ABCC3: variants seen among roughly 807,000 people sequenced by gnomAD.
ABCC3 encodes ATP binding cassette subfamily C member 3, also known as ATP-binding cassette sub-family C member 3.
A neutral mutation model predicts 165.3 loss-of-function variants in ABCC3; 121 were observed. The observed-to-expected ratio is 0.73, with a 90% CI of 0.63 to 0.85. ABCC3 has a LOEUF of 0.85. Among genes scored for constraint, ABCC3 ranks in the 40% least tolerant of loss-of-function variants. The probability of loss-of-function intolerance (pLI) is 0.00; values close to 1 mark genes in which losing one functional copy is unlikely to be tolerated. For synonymous variants in ABCC3, 733 were observed against 810.1 expected (o/e 0.90, Z 1.62); for missense variants, 1,869 against 1,964.1 (o/e 0.95, Z 0.92).
intron 1 of ABCC3, among the ~76,000 whole-genome samples, chr17:50,637,065 A>T (rs2054187521): frequency 6.6e-6 from 1 of 152,028 alleles, no homozygotes; most frequent in Non-Finnish European, 1.5e-5. Flanking sequence ...AGCTATACAC[A>T]CCTCCTCTGA....
chr17:50,651,504 C>T (rs139075992), intron 1 of ABCC3, among the ~76,000 whole-genome samples: 2 of 152,300 alleles, frequency 1.3e-5, no homozygotes, highest in Non-Finnish European at 2.9e-5. Context: ...AGGTGGAACA[C>T]TTGACCTCAG....
At chr17:50,663,440 C>T (rs1967440006) in intron 8 of ABCC3, 1 of 546,086 alleles carries the variant, frequency 1.8e-6, no homozygotes, top group Non-Finnish European at 3.3e-6. Flanking sequence ...AGAGCGTCAT[C>T]GATAGGGCGT....
intron 11 of ABCC3, among the ~76,000 whole-genome samples, chr17:50,665,728 C>T (rs1195191102): frequency 6.6e-6 from 1 of 151,720 alleles, no homozygotes; most frequent in East Asian, 1.9e-4. Context: ...GCCTCAGCCT[C>T]CCTAGTAGCT....
chr17:50,668,487 C>G lies in ABCC3; in HGVS notation c.1840C>G (p.Gln614Glu). The G allele has an allele frequency of 6.2e-7, 1 of 1,614,026 alleles. No homozygotes were observed. The highest frequency in any genetic ancestry group is 8.5e-7 in the Non-Finnish European group (1 of 1,179,950). Residue 614 changes from glutamine to glutamate, a missense_variant, in exon 14 of 31, where the codon CAG becomes GAG. Transcript: ENST00000285238. Reference sequence around the variant, plus strand: ...CCTGAGCCAAGAGGAACTTGACCCCCAGAGTGTGGAAAGAAAGACCATCTC... The same window carrying G: ...CCTGAGCCAAGAGGAACTTGACCCCGAGAGTGTGGAAAGAAAGACCATCTC... The part of the protein sequence containing the change: ...QFLSQEELDP[Q>E]SVERKTISPG...
At chr17:50,669,312 G>C in intron 16 of ABCC3, 40 bp from the exon 17 acceptor site, 2 of 1,614,192 alleles carry the variant, frequency 1.2e-6, no homozygotes, top group African/African-American at 1.3e-5. Context: ...GCTCAGCCAG[G>C]CCTTGGGCAA....
rs1967678323 is a variant in ABCC3 at position 50,672,916 on chromosome 17, G to A, written c.2242-55G>A. 4.0e-6 allele frequency: 6 copies of A among 1,518,740 alleles called. No individual in the cohort carries two copies. In the Admixed American group the frequency reaches 5.4e-5, roughly 14 times the overall value. 94.1% of individuals were successfully genotyped at this position (1,518,740 alleles called of 1,614,324 possible). Reference sequence around the variant, plus strand: ...CATCCCAAATAACAGTGGACAGGCCGTTGTCTCCCTGTGCCTGTCTGACCC... The same window carrying A: ...CATCCCAAATAACAGTGGACAGGCCATTGTCTCCCTGTGCCTGTCTGACCC... On this transcript the variant is annotated intron_variant, in intron 17 of 30. Transcript: ENST00000285238.
chr17:50,690,633 A>AGCAGCC (rs1968107659), intron 30 of ABCC3, among the ~76,000 whole-genome samples: 1 of 151,948 alleles, frequency 6.6e-6, no homozygotes, highest in Non-Finnish European at 1.5e-5. Context: ...CAGCAGCAGC[A>AGCAGCC]GCAGCCGCAG....
chr17:50,684,879 A>G lies in ABCC3; in HGVS notation c.4280+4A>G. The G allele has an allele frequency of 1.9e-6, 3 of 1,613,746 alleles. No individual in the cohort carries two copies. The highest frequency in any genetic ancestry group is 2.5e-6 in the Non-Finnish European group (3 of 1,179,902). On this transcript the variant is annotated splice_donor_region_variant and intron_variant, in intron 29 of 30. Coordinates refer to ENST00000285238, the MANE Select transcript of ABCC3 (RefSeq NM_003786.4). The stretch of plus-strand genomic sequence containing the variant: ...CAGAGGGCGGGGAGAATCTCAGGTA[A>G]ACACTGGGAGTGCAGAGGTCAGGAA...
intron 19 of ABCC3, among the ~76,000 whole-genome samples, chr17:50,674,013 TCTCTCTCTCTCTCTCTCTCTC>T (rs1967739106): frequency 3.7e-5 from 1 of 26,872 alleles, no homozygotes. Flanking sequence ...TCTCTCTCTC[TCTCTCTCTCTCTCTCTCTCTC>T]TCTTTCTTTC....
intron 19 of ABCC3, among the ~76,000 whole-genome samples, chr17:50,675,030 C>G (rs2146631780): frequency 6.6e-6 from 1 of 152,150 alleles, no homozygotes; most frequent in Non-Finnish European, 1.5e-5. Context: ...GATCTCCTGA[C>G]CTCGTGAGCT....
intron 25 of ABCC3, chr17:50,679,424 G>A (rs1230728430): frequency 5.9e-6 from 1 of 169,390 alleles, no homozygotes; most frequent in Non-Finnish European, 1.3e-5. Flanking sequence ...TGGCCCATGG[G>A]CCAGTTGCAT....
At chr17:50,680,418 C>T (rs1286996886) in intron 26 of ABCC3, among the ~76,000 whole-genome samples, 4 of 152,064 alleles carry the variant, frequency 2.6e-5, no homozygotes, top group Non-Finnish European at 1.5e-5. Context: ...TTTTCTCCAC[C>T]GCCCCCTCTC....
At chr17:50,646,339 G>A (rs1177828888) in intron 1 of ABCC3, among the ~76,000 whole-genome samples, 1 of 152,198 alleles carries the variant, frequency 6.6e-6, no homozygotes, top group Non-Finnish European at 1.5e-5. Context: ...GGCGGGGAGA[G>A]GGTCATGGGT....
rs914912988 is a variant in ABCC3, at chr17:50,664,227, C to T, written c.1338+116C>T. 27 of 1,411,718 alleles carry T rather than the reference C, an allele frequency of 1.9e-5. 1 individual carries two copies. The East Asian group carries it at 2.8e-4, about 14-fold the overall frequency. The allele number at this position is 1,411,718 out of a possible 1,614,324, so 87.4% of individuals were successfully genotyped here. The stretch of plus-strand genomic sequence containing the variant: ...ATGCTTGTAGTCCCAGCTGCTCAGG[C>T]GGCTGAGGCAAGAGGATCACTTGAG... On this transcript the variant is annotated intron_variant, in intron 10 of 30. Coordinates refer to ENST00000285238, the MANE Select transcript of ABCC3 (RefSeq NM_003786.4).
chr17:50,664,959 G>A (rs1007727400), intron 10 of ABCC3, among the ~76,000 whole-genome samples, 194 bp from the exon 11 acceptor site: 8 of 152,096 alleles, frequency 5.3e-5, no homozygotes, highest in Admixed American at 3.3e-4. Flanking sequence ...CCCTGTCGTC[G>A]TTATCTAATG....
Position 50,667,734 on chromosome 17 carries a change from A to C in ABCC3, c.1612A>C (p.Thr538Pro), listed in dbSNP as rs1385738017. 2.5e-6 allele frequency: 4 copies of C among 1,613,978 alleles called. No homozygotes were observed. The highest frequency in any genetic ancestry group is 2.2e-5 in the South Asian group (2 of 91,072). ...AAYLHTTTTF[T>P]WMCSPFLVTL... ...CTACCTCCACACCACAACCACCTTC[A>C]CCTGGATGTGCAGCCCCTTCCTGGT... The change falls in exon 12 of 31, where the codon ACC (threonine) becomes CCC (proline). Residue 538 changes from threonine (T) to proline (P), a missense_variant. By Grantham distance (38) the Thr-to-Pro change is conservative. Transcript: ENST00000285238.
intron 15 of ABCC3, 52 bp from the exon 16 acceptor site, chr17:50,669,088 C>A: frequency 1.3e-6 from 2 of 1,588,512 alleles, no homozygotes; most frequent in South Asian, 2.3e-5. Context: ...GGGTTGGAGA[C>A]CAAAACCCTG....
At chr17:50,670,829 G>A (rs1320884677) in intron 17 of ABCC3, among the ~76,000 whole-genome samples, 1 of 152,114 alleles carries the variant, frequency 6.6e-6, no homozygotes, top group African/African-American at 2.4e-5. Flanking sequence ...GGGAAATGGA[G>A]GGAAAAGATA....
intron 17 of ABCC3, among the ~76,000 whole-genome samples, chr17:50,672,748 A>G (rs1410651455): frequency 1.3e-5 from 2 of 152,062 alleles, no homozygotes; most frequent in African/African-American, 4.8e-5. Flanking sequence ...TGGTCCTGCA[A>G]TCAATCCTAG....
Sources: allele counts gnomAD v4.1 joint callset (sites outside exome capture counted in the v4.1 genomes callset), GRCh38; gene constraint gnomAD v4.1.1; transcripts MANE v1.5; gene names NCBI Gene and HGNC (gene_info 2026-07-23, HGNC 2026-07-21).